Variants in FER observed in about 807,000 individuals in gnomAD.
FER encodes FER tyrosine kinase.
In FER, 63 loss-of-function variants were observed where a neutral mutation model predicts 111.0. The ratio of observed to expected loss-of-function variants is 0.57; its 90% confidence interval spans 0.46 to 0.70. The LOEUF is 0.70. Among genes scored for constraint, FER ranks in the 30% least tolerant of loss-of-function variants. The pLI, the probability that FER is intolerant of heterozygous loss-of-function variation, is 0.00. For synonymous variants in FER, 327 were observed against 313.9 expected (o/e 1.04, Z -0.44); for missense variants, 914 against 954.0 (o/e 0.96, Z 0.55).
chr5:108,820,656 C>T (rs867065357), intron 3 of FER: 1 of 425,040 alleles, frequency 2.4e-6, no homozygotes, highest in Non-Finnish European at 3.1e-6. Flanking sequence ...CGTAACTGAG[C>T]TAATGCAGCT....
chr5:108,925,064 C>G (rs992716510), intron 10 of FER, among the ~76,000 whole-genome samples: 5 of 151,570 alleles, frequency 3.3e-5, no homozygotes, highest in African/African-American at 1.2e-4. Flanking sequence ...AAAAATATGT[C>G]CTTTCCAGTA....
chr5:108,850,025 A>G (rs1009892031), intron 5 of FER, among the ~76,000 whole-genome samples: 1 of 152,056 alleles, frequency 6.6e-6, no homozygotes, highest in Admixed American at 6.6e-5. Flanking sequence ...CCCCGTCTCT[A>G]CTAAAAAATG....
chr5:109,134,023 T>C (rs1752634777), intron 17 of FER, among the ~76,000 whole-genome samples: 1 of 152,022 alleles, frequency 6.6e-6, no homozygotes, highest in African/African-American at 2.4e-5. Context: ...TAAGTTGTGA[T>C]GATAGATAAA....
intron 8 of FER, among the ~76,000 whole-genome samples, chr5:108,878,595 G>GT (rs1397508470): frequency 1.3e-5 from 2 of 152,124 alleles, no homozygotes; most frequent in Non-Finnish European, 2.9e-5. Flanking sequence ...GTTATTTCCA[G>GT]TTTTTTCCAT....
intron 13 of FER, among the ~76,000 whole-genome samples, chr5:109,022,226 A>C (rs904461557): frequency 1.3e-5 from 2 of 151,602 alleles, no homozygotes; most frequent in African/African-American, 4.8e-5. Context: ...TAATGACTGA[A>C]GTCTATTGTC....
At chr5:108,878,983 G>A (rs540775768) in intron 8 of FER, among the ~76,000 whole-genome samples, 3 of 152,182 alleles carry the variant, frequency 2.0e-5, no homozygotes, top group East Asian at 3.9e-4. Context: ...CGGTGGACAA[G>A]AGCTTTAACC....
chr5:108,831,104 C>T lies in FER; in HGVS notation c.208-1666C>T, dbSNP rs1016153450. Among the ~76,000 whole-genome samples, 3 of 152,202 alleles carry T rather than the reference C, an allele frequency of 2.0e-5. No homozygotes were observed. In the South Asian group the frequency reaches 6.2e-4, roughly 32 times the overall value. On this transcript the variant is annotated intron_variant, in intron 3 of 19. Transcript: ENST00000281092. Reference sequence around the variant, plus strand: ...GATGTACCATTCTGGGAGAGGAGGGCAATCTGACCCAATTGTGTGGTTTTT... The same window carrying T: ...GATGTACCATTCTGGGAGAGGAGGGTAATCTGACCCAATTGTGTGGTTTTT...
intron 10 of FER, among the ~76,000 whole-genome samples, chr5:108,909,266 CTTTT>C (rs374718784): frequency 4.6e-5 from 7 of 151,570 alleles, no homozygotes; most frequent in Non-Finnish European, 7.4e-5. Flanking sequence ...ATTTTAAATC[CTTTT>C]TTTTATTATA....
At chr5:108,770,699 C>T (rs991412559) in intron 2 of FER, among the ~76,000 whole-genome samples, 5 of 152,102 alleles carry the variant, frequency 3.3e-5, no homozygotes, top group African/African-American at 1.2e-4. Flanking sequence ...TCAAGCATCT[C>T]ACCCTTAGAT....
At chr5:108,849,485 T>TATTTTGTTTTG (rs1554078088) in intron 5 of FER, among the ~76,000 whole-genome samples, 9 of 152,024 alleles carry the variant, frequency 5.9e-5, no homozygotes, top group African/African-American at 2.2e-4. Flanking sequence ...GTTGTTTTGT[T>TATTTTGTTTTG]TTGTTGTTGT....
rs1414903047 is a variant in FER, at chr5:109,187,733, A to G, written c.*158A>G. 1 of 970,578 alleles carries G rather than the reference A, an allele frequency of 1.0e-6. No individual in the cohort carries two copies. The highest frequency in any genetic ancestry group is 1.7e-5 in the African/African-American group (1 of 60,462). 60.1% of individuals were successfully genotyped at this position (970,578 alleles called of 1,614,324 possible). ...GTTTTAAAAGTACGTTCCACTTGTA[A>G]AAAGTCAAAGGCAAATTTGTTAAAG... On this transcript the variant is annotated 3_prime_UTR_variant, in exon 20 of 20. Coordinates refer to ENST00000281092, the MANE Select transcript of FER (RefSeq NM_005246.4).
Position 108,963,295 on chromosome 5 carries a change from G to A in FER, c.1656+3948G>A, listed in dbSNP as rs986998904. On this transcript the variant is annotated intron_variant, in intron 13 of 19. Transcript: ENST00000281092. ...AATGTAGATTAGGCCAAGTGCAGTG[G>A]CTCGTGCCTGTAATCCCAGGACTTT... Among the ~76,000 whole-genome samples the A allele has an allele frequency of 2.0e-5, 3 of 152,164 alleles. No individual in the cohort carries two copies. The South Asian group carries it at 6.2e-4, about 32-fold the overall frequency.
chr5:109,166,044 G>A (rs971173631), intron 17 of FER, among the ~76,000 whole-genome samples: 1 of 152,064 alleles, frequency 6.6e-6, no homozygotes, highest in Admixed American at 6.6e-5. Flanking sequence ...TTTCAGCAAT[G>A]CTTCTCAGGA....
At chr5:108,833,489 C>CT (rs5870333) in intron 4 of FER, among the ~76,000 whole-genome samples, 36,388 of 145,530 alleles carry the variant, frequency 0.25, 6,839 homozygotes, top group African/African-American at 0.53. Context: ...CTCCTACCCA[C>CT]TTTTTTTTTT....
intron 3 of FER, among the ~76,000 whole-genome samples, chr5:108,812,925 A>G (rs904153629): frequency 1.3e-5 from 2 of 152,020 alleles, no homozygotes; most frequent in Non-Finnish European, 2.9e-5. Context: ...TCCACAATAC[A>G]TTATTATTTT....
At chr5:108,846,830 G>T (rs1019530367) in intron 5 of FER, among the ~76,000 whole-genome samples, 3 of 151,910 alleles carry the variant, frequency 2.0e-5, no homozygotes, top group Admixed American at 6.6e-5. Context: ...TGATCTTCCC[G>T]CCTCGGCCTC....
intron 17 of FER, among the ~76,000 whole-genome samples, chr5:109,165,625 T>C (rs963511945): frequency 9.7e-5 from 10 of 103,002 alleles, no homozygotes; most frequent in Non-Finnish European, 2.3e-4. Flanking sequence ...TGTGTGTGTG[T>C]GTGTGTGTGT....
chr5:108,753,698 A>C (rs1750752894), intron 1 of FER, among the ~76,000 whole-genome samples: 1 of 152,194 alleles, frequency 6.6e-6, no homozygotes, highest in Admixed American at 6.5e-5. Flanking sequence ...ACTGAAACGT[A>C]TGATTATTTT....
chr5:108,893,765 C>T (rs1002306531), intron 9 of FER, among the ~76,000 whole-genome samples: 1 of 152,016 alleles, frequency 6.6e-6, no homozygotes, highest in African/African-American at 2.4e-5. Context: ...GCCTTATGGT[C>T]ATAAGAGCTT....
Sources: gnomAD v4.1 joint callset for allele counts (sites outside exome capture counted in the v4.1 genomes callset) on GRCh38, gnomAD v4.1.1 for gene constraint, MANE v1.5 for transcripts, NCBI Gene and HGNC (gene_info 2026-07-23, HGNC 2026-07-21) for gene names.